UNC93A: variants seen among roughly 807,000 people sequenced by gnomAD.
The protein encoded by UNC93A is N-acetylglucosamine transporter UNC93A.
Under a neutral mutation model 47.5 loss-of-function variants are expected in UNC93A, and 43 were observed. The observed-to-expected ratio is 0.91, with a 90% CI of 0.71 to 1.17. The LOEUF is 1.17. Ranked by LOEUF, UNC93A falls within the 50% of genes most tolerant of loss-of-function variation. The pLI, the probability that UNC93A is intolerant of heterozygous loss-of-function variation, is 0.00. For missense variants in UNC93A, 605 were observed against 577.6 expected (o/e 1.05, Z -0.49); for synonymous variants, 280 against 258.0 (o/e 1.09, Z -0.82).
intron 6 of UNC93A, 62 bp from the exon 7 acceptor site, chr6:167,307,717 A>G: frequency 1.3e-6 from 2 of 1,548,440 alleles, no homozygotes; most frequent in Admixed American, 3.5e-5. Flanking sequence ...ACCCACCTCC[A>G]GGCCCCTCCA....
At chr6:167,292,262 C>T (rs894065279) in intron 1 of UNC93A, among the ~76,000 whole-genome samples, 15 of 152,154 alleles carry the variant, frequency 9.9e-5, no homozygotes, top group African/African-American at 2.9e-4. Flanking sequence ...GTTACTCCCC[C>T]GGCTTATTCA....
upstream of UNC93A, among the ~76,000 whole-genome samples, chr6:167,288,300 C>T (rs1321695739): frequency 2.0e-5 from 3 of 152,156 alleles, no homozygotes; most frequent in South Asian, 4.1e-4. Flanking sequence ...GCCAGAGCCC[C>T]GAATGCCCGC....
rs1435556813 is a variant in UNC93A, at chr6:167,293,647, C to T, written c.88-870C>T. 2.0e-5 allele frequency among the ~76,000 whole-genome samples: 3 copies of T among 152,292 alleles called. No individual in the cohort carries two copies. The East Asian group carries it at 5.8e-4, about 29-fold the overall frequency. Reference sequence around the variant, plus strand: ...AACAAGGCACATGCATCCCCAGGCTCCCTCCTCAGAGCTCAGCAGCCCCAG... The same window carrying T: ...AACAAGGCACATGCATCCCCAGGCTTCCTCCTCAGAGCTCAGCAGCCCCAG... On this transcript the variant is annotated intron_variant, in intron 1 of 7. Transcript: ENST00000230256.
At position 167,306,032 on chromosome 6, in the gene UNC93A, G is replaced by A. The variant is rs376096869; in HGVS notation, c.958G>A (p.Ala320Thr). The part of the protein sequence containing the change: ...YGKVSQYTGR[A>T]VLYVLGAVTH... ...AAAGGTCTCGCAGTACACGGGCAGG[G>A]CTGTGCTGTACGTGCTGGGTAGGTA... is the stretch of plus-strand genomic sequence containing the variant. Residue 320 changes from alanine to threonine, a missense_variant, in exon 6 of 8, where the codon GCT (alanine) becomes ACT (threonine). By Grantham distance (58) the Ala-to-Thr change is moderately conservative. Coordinates refer to ENST00000230256, the MANE Select transcript of UNC93A (RefSeq NM_018974.4). 7.3e-5 allele frequency: 118 copies of A among 1,614,070 alleles called. No homozygotes were observed. Among genetic ancestry groups the A allele is most frequent in the Non-Finnish European group, 9.3e-5 (110 of 1,180,050 alleles).
chr6:167,312,902 C>T (rs1778597641), intron 7 of UNC93A, among the ~76,000 whole-genome samples: 1 of 152,228 alleles, frequency 6.6e-6, no homozygotes, highest in Non-Finnish European at 1.5e-5. Flanking sequence ...CTGGCATTGG[C>T]CTCTCCTCCC....
chr6:167,279,831 A>G (rs1489990814), intron 1 of UNC93A, among the ~76,000 whole-genome samples: 1 of 152,224 alleles, frequency 6.6e-6, no homozygotes, highest in Non-Finnish European at 1.5e-5. Flanking sequence ...CTTGGAGAAT[A>G]AAAGAAGTTG....
chr6:167,276,563 C>T (rs1000193232), intron 1 of UNC93A, among the ~76,000 whole-genome samples: 10 of 152,126 alleles, frequency 6.6e-5, no homozygotes, highest in African/African-American at 2.2e-4. Context: ...GTGACCTGCT[C>T]GAGGACACAC....
intron 2 of UNC93A, among the ~76,000 whole-genome samples, chr6:167,295,524 C>T (rs1462251470): frequency 2.0e-5 from 2 of 101,588 alleles, no homozygotes; most frequent in African/African-American, 6.3e-5. Flanking sequence ...TCGTGCTCCT[C>T]GCCTGCCTCG....
At chr6:167,305,101 CT>C (rs560441398) in intron 5 of UNC93A, among the ~76,000 whole-genome samples, 505 of 91,768 alleles carry the variant, frequency 5.5e-3, no homozygotes, top group Admixed American at 7.6e-3. Flanking sequence ...AACTTCTCTG[CT>C]CCAGATCCCT....
intron 4 of UNC93A, 145 bp from the exon 5 acceptor site, chr6:167,303,774 G>C: frequency 1.4e-6 from 1 of 719,120 alleles, no homozygotes; most frequent in South Asian, 1.8e-5. Flanking sequence ...AGATCCTTAA[G>C]CATGTTGTGT....
At chr6:167,269,587 G>A (rs1583053795), upstream of UNC93A, among the ~76,000 whole-genome samples, 2 of 151,978 alleles carry the variant, frequency 1.3e-5, no homozygotes, top group South Asian at 4.2e-4. Context: ...TACCATAATG[G>A]CACTTTTTAA....
intron 1 of UNC93A, among the ~76,000 whole-genome samples, chr6:167,276,198 A>T (rs1009270769): frequency 6.7e-6 from 1 of 150,166 alleles, no homozygotes; most frequent in Non-Finnish European, 1.5e-5. Context: ...ATTCCTTTTT[A>T]TGGCTGAATA....
intron 4 of UNC93A, among the ~76,000 whole-genome samples, chr6:167,299,034 C>T (rs1778166336): frequency 6.6e-6 from 1 of 150,934 alleles, no homozygotes; most frequent in Non-Finnish European, 1.5e-5. Context: ...AGGAGAATCA[C>T]TTGAACCCGG....
At position 167,307,856 on chromosome 6, in the gene UNC93A, G is replaced by T. The variant is rs185968029; in HGVS notation, c.1054G>T (p.Val352Leu). Reference protein sequence around the residue: ...PRADHLAVFFVFSGLWGVADA... With the variant: ...PRADHLAVFFLFSGLWGVADA... ...TGCTGACCATCTGGCAGTGTTCTTCGTATTCTCTGGCCTGTGGGGCGTGGC... is the reference window on the plus strand; with the variant it reads ...TGCTGACCATCTGGCAGTGTTCTTCTTATTCTCTGGCCTGTGGGGCGTGGC... Residue 352 changes from valine to leucine, a missense_variant, in exon 7 of 8, where the codon GTA becomes TTA. By Grantham distance (32) the Val-to-Leu change is conservative. Transcript: ENST00000230256. 1 of 1,613,976 alleles carries T rather than the reference G, an allele frequency of 6.2e-7. No individual in the cohort carries two copies. The highest frequency in any genetic ancestry group is 1.1e-5 in the South Asian group (1 of 91,082).
intron 4 of UNC93A, 144 bp from the exon 5 acceptor site, chr6:167,303,775 C>T (rs1287949598): frequency 4.2e-6 from 3 of 720,176 alleles, no homozygotes; most frequent in Admixed American, 4.7e-5. Flanking sequence ...GATCCTTAAG[C>T]ATGTTGTGTC....
Position 167,303,967 on chromosome 6 carries a change from T to C in UNC93A, c.674T>C (p.Ile225Thr), listed in dbSNP as rs370247761. 3.7e-6 allele frequency: 6 copies of C among 1,613,622 alleles called. No individual in the cohort carries two copies. In the African/African-American group the frequency reaches 6.7e-5, roughly 18 times the overall value. The change falls in exon 5 of 8, where the codon ATA (isoleucine) becomes ACA (threonine). Residue 225 changes from isoleucine to threonine, a missense_variant. Physicochemically the swap from Ile to Thr is moderately conservative, Grantham distance 89. Coordinates refer to ENST00000230256, the MANE Select transcript of UNC93A (RefSeq NM_018974.4). ...VLMIAAFLQP[I>T]RDVQRESEGE... ...ATGATAGCTGCGTTCCTCCAACCCATACGAGATGTTCAGCGGGAAAGTGAA... is the reference window on the plus strand; with the variant it reads ...ATGATAGCTGCGTTCCTCCAACCCACACGAGATGTTCAGCGGGAAAGTGAA...
upstream of UNC93A, among the ~76,000 whole-genome samples, chr6:167,290,831 A>G (rs1783826981): frequency 6.6e-6 from 1 of 152,216 alleles, no homozygotes; most frequent in African/African-American, 2.4e-5. Context: ...TATTGTTGGT[A>G]ACATGAAATA....
chr6:167,292,427 G>T (rs962672847), intron 1 of UNC93A, among the ~76,000 whole-genome samples: 3 of 152,162 alleles, frequency 2.0e-5, no homozygotes, highest in Non-Finnish European at 4.4e-5. Context: ...AAGCACACCT[G>T]GGAACTCAGA....
intron 4 of UNC93A, among the ~76,000 whole-genome samples, chr6:167,299,357 G>C (rs141069103): frequency 2.4e-4 from 36 of 152,162 alleles, no homozygotes; most frequent in Non-Finnish European, 4.3e-4. Context: ...AGGAGGGTTC[G>C]TGGGCACTGC....
Sources: gnomAD v4.1 joint callset for allele counts (sites outside exome capture counted in the v4.1 genomes callset) on GRCh38, gnomAD v4.1.1 for gene constraint, MANE v1.5 for transcripts, NCBI Gene and HGNC (gene_info 2026-07-23, HGNC 2026-07-21) for gene names.